ARHGAP12: variants seen among roughly 807,000 people sequenced by gnomAD.
ARHGAP12 encodes rho GTPase-activating protein 12.
A neutral mutation model predicts 108.6 loss-of-function variants in ARHGAP12; 64 were observed. The observed-to-expected ratio is 0.59, with a 90% CI of 0.48 to 0.73. ARHGAP12 has a LOEUF of 0.73. Among genes scored for constraint, ARHGAP12 ranks in the 30% least tolerant of loss-of-function variants. The pLI is 0.00. For synonymous variants in ARHGAP12, 312 were observed against 337.2 expected (o/e 0.93, Z 0.82); for missense variants, 940 against 1,005.9 (o/e 0.93, Z 0.89).
At chr10:31,912,558 A>G (rs1454193392) in intron 1 of ARHGAP12, among the ~76,000 whole-genome samples, 1 of 152,238 alleles carries the variant, frequency 6.6e-6, no homozygotes, top group East Asian at 1.9e-4. Flanking sequence ...ACTATGTTCA[A>G]CATGAGACAT....
chr10:31,809,143 G>A lies in ARHGAP12; in HGVS notation c.2129-15C>T, dbSNP rs532771211. On this transcript the variant is annotated splice_polypyrimidine_tract_variant and intron_variant, in intron 17 of 19. Transcript: ENST00000344936. Reference sequence around the variant, plus strand: ...CAATTTCTCATCTGAAAAACAGCAGGAATTGGACATTTTAAAAAATTACTT... The same window carrying A: ...CAATTTCTCATCTGAAAAACAGCAGAAATTGGACATTTTAAAAAATTACTT... 4.3e-6 allele frequency: 7 copies of A among 1,613,030 alleles called. No individual in the cohort carries two copies. The East Asian group carries it at 1.3e-4, about 31-fold the overall frequency.
At chr10:31,855,115 A>G (rs1279079898) in intron 4 of ARHGAP12, among the ~76,000 whole-genome samples, 28 of 53,296 alleles carry the variant, frequency 5.3e-4, no homozygotes, top group African/African-American at 2.3e-3. Context: ...GGGGAGGGAG[A>G]GGAAGGGAGG....
intron 1 of ARHGAP12, among the ~76,000 whole-genome samples, chr10:31,924,334 A>C (rs890622120): frequency 6.6e-6 from 1 of 152,228 alleles, no homozygotes; most frequent in African/African-American, 2.4e-5. Context: ...CATCTCTAAA[A>C]TAGGAAACAG....
intron 3 of ARHGAP12, among the ~76,000 whole-genome samples, chr10:31,899,661 TTAGA>T (rs1838843061): frequency 6.6e-6 from 1 of 152,120 alleles, no homozygotes. Flanking sequence ...GGTGAAACAA[TTAGA>T]TGGATATATG....
intron 10 of ARHGAP12, among the ~76,000 whole-genome samples, chr10:31,830,693 C>T (rs918340469): frequency 2.0e-5 from 3 of 152,108 alleles, no homozygotes; most frequent in African/African-American, 7.2e-5. Context: ...GAGTTAATTT[C>T]CTTAAATCAC....
intron 3 of ARHGAP12, among the ~76,000 whole-genome samples, chr10:31,907,600 T>A (rs1047077576): frequency 2.0e-5 from 3 of 148,932 alleles, no homozygotes; most frequent in African/African-American, 7.4e-5. Flanking sequence ...TTCCACTGTA[T>A]TATAGCCTAG....
intron 3 of ARHGAP12, among the ~76,000 whole-genome samples, chr10:31,907,899 A>C (rs1435274464): frequency 1.3e-5 from 2 of 152,210 alleles, no homozygotes; most frequent in Non-Finnish European, 2.9e-5. Flanking sequence ...CCTTATACAT[A>C]ATCAATAGAG....
chr10:31,855,560 T>C (rs1419672904), intron 4 of ARHGAP12, among the ~76,000 whole-genome samples: 1 of 152,244 alleles, frequency 6.6e-6, no homozygotes, highest in Non-Finnish European at 1.5e-5. Context: ...GTGAATTATA[T>C]ATGTTTTACA....
At chr10:31,893,468 C>T (rs1008542947) in intron 3 of ARHGAP12, among the ~76,000 whole-genome samples, 2 of 152,190 alleles carry the variant, frequency 1.3e-5, no homozygotes, top group Non-Finnish European at 2.9e-5. Context: ...CTATAAACAC[C>T]TCTATGCAAA....
At chr10:31,849,588 T>G (rs918655547) in intron 6 of ARHGAP12, among the ~76,000 whole-genome samples, 1 of 152,252 alleles carries the variant, frequency 6.6e-6, no homozygotes, top group Non-Finnish European at 1.5e-5. Flanking sequence ...GTCTTTATCA[T>G]GCAGTAACAA....
intron 3 of ARHGAP12, among the ~76,000 whole-genome samples, chr10:31,871,525 C>A (rs950201895): frequency 6.6e-6 from 1 of 152,136 alleles, no homozygotes; most frequent in Non-Finnish European, 1.5e-5. Flanking sequence ...CACCCTGTCA[C>A]AGATCTGTCA....
intron 9 of ARHGAP12, among the ~76,000 whole-genome samples, chr10:31,835,130 G>A (rs1049959055): frequency 1.3e-5 from 2 of 151,688 alleles, no homozygotes; most frequent in African/African-American, 4.8e-5. Flanking sequence ...TGTGGGAGGC[G>A]GAGGTTGCAG....
At chr10:31,826,525 G>A in intron 10 of ARHGAP12, 140 bp from the exon 11 acceptor site, 1 of 629,620 alleles carries the variant, frequency 1.6e-6, no homozygotes, top group South Asian at 2.7e-5. Flanking sequence ...TTTTATTGGG[G>A]ATAGATACTA....
intron 3 of ARHGAP12, among the ~76,000 whole-genome samples, chr10:31,898,017 G>A (rs1319234752): frequency 6.6e-6 from 1 of 152,068 alleles, no homozygotes; most frequent in Non-Finnish European, 1.5e-5. Flanking sequence ...CCAGCTACTT[G>A]GGAGGCTGAG....
intron 9 of ARHGAP12, among the ~76,000 whole-genome samples, chr10:31,837,535 T>A (rs1330490301): frequency 1.3e-5 from 2 of 152,214 alleles, no homozygotes; most frequent in Admixed American, 1.3e-4. Flanking sequence ...ATTATTCTGC[T>A]ACGTTAGTCT....
intron 12 of ARHGAP12, among the ~76,000 whole-genome samples, chr10:31,819,955 TAA>T (rs34560315): frequency 4.8e-5 from 7 of 145,434 alleles, no homozygotes; most frequent in South Asian, 2.2e-4. Context: ...TGGAAAGGTT[TAA>T]AAAAAAAAAA....
chr10:31,874,796 A>G (rs1837663431), intron 3 of ARHGAP12, among the ~76,000 whole-genome samples: 2 of 151,786 alleles, frequency 1.3e-5, no homozygotes, highest in African/African-American at 4.8e-5. Context: ...CAACATGGTG[A>G]ACCCTCATCT....
chr10:31,837,572 T>C (rs1421180369), intron 9 of ARHGAP12, among the ~76,000 whole-genome samples: 6 of 152,178 alleles, frequency 3.9e-5, no homozygotes, highest in African/African-American at 1.4e-4. Context: ...AGGGTCCATC[T>C]TGATGGAGGT....
At chr10:31,837,323 A>G (rs1182232047) in intron 9 of ARHGAP12, among the ~76,000 whole-genome samples, 2 of 152,200 alleles carry the variant, frequency 1.3e-5, no homozygotes, top group South Asian at 2.1e-4. Context: ...AATAATGTTC[A>G]CTTTTATCGT....
Sources: allele counts gnomAD v4.1 joint callset (sites outside exome capture counted in the v4.1 genomes callset), GRCh38; gene constraint gnomAD v4.1.1; transcripts MANE v1.5; gene names NCBI Gene and HGNC (gene_info 2026-07-23, HGNC 2026-07-21).